Variants in ARHGAP8 observed in about 807,000 individuals in gnomAD.
The protein encoded by ARHGAP8 is rho GTPase-activating protein 8.
Under a neutral mutation model 46.1 loss-of-function variants are expected in ARHGAP8, and 62 were observed. The ratio of observed to expected loss-of-function variants is 1.34; its 90% CI spans 1.10 to 1.66. The LOEUF (loss-of-function observed/expected upper bound fraction) is 1.66, where lower values mean the gene tolerates loss of function less well. Ranked by LOEUF, ARHGAP8 falls within the 40% of genes most tolerant of loss-of-function variation. The pLI is 0.00. For synonymous variants in ARHGAP8, 375 were observed against 243.1 expected, an observed-to-expected ratio of 1.54 and a Z score of -5.05; for missense variants, 923 against 568.4, an observed-to-expected ratio of 1.62 and a Z score of -6.34.
intron 7 of ARHGAP8, among the ~76,000 whole-genome samples, chr22:44,835,066 G>C (rs1237852441): frequency 2.6e-5 from 4 of 151,868 alleles, no homozygotes; most frequent in African/African-American, 9.7e-5. Flanking sequence ...TTCTTTATTA[G>C]ATTATTTAAT....
intron 1 of ARHGAP8, among the ~76,000 whole-genome samples, chr22:44,756,608 A>G (rs1223787399): frequency 4.4e-5 from 1 of 22,870 alleles, no homozygotes; most frequent in Non-Finnish European, 8.5e-5. Flanking sequence ...ACCTACCCCC[A>G]CCCTTCCTGC....
intron 5 of ARHGAP8, among the ~76,000 whole-genome samples, chr22:44,820,376 G>A (rs1191204442): frequency 6.6e-6 from 1 of 152,168 alleles, no homozygotes; most frequent in Non-Finnish European, 1.5e-5. Context: ...CTCTGTCCCT[G>A]AGAATGGTTC....
At position 44,781,258 on chromosome 22, in the gene ARHGAP8, T is replaced by C. The variant is rs552908446; in HGVS notation, c.-71-5199T>C. On this transcript the variant is annotated intron_variant, in intron 1 of 11. Coordinates refer to ENST00000356099, the MANE Select transcript of ARHGAP8 (RefSeq NM_181335.3). ...TTTTACATACATTGCTTGGTTTGCT[T>C]CCAAGAACTCATGATTTTGCCTTCT... Among the ~76,000 whole-genome samples the C allele has an allele frequency of 5.3e-5, 8 of 152,298 alleles. No homozygotes were observed. The South Asian group carries it at 1.7e-3, about 32-fold the overall frequency.
intron 3 of ARHGAP8, among the ~76,000 whole-genome samples, chr22:44,803,849 C>T (rs1328646983): frequency 6.7e-6 from 1 of 150,330 alleles, no homozygotes; most frequent in Non-Finnish European, 1.5e-5. Flanking sequence ...TGTGCACACG[C>T]TTCTCCATCA....
chr22:44,767,984 CTTTT>C (rs1167255172), intron 1 of ARHGAP8, among the ~76,000 whole-genome samples: 1 of 47,246 alleles, frequency 2.1e-5, no homozygotes, highest in Non-Finnish European at 3.6e-5. Context: ...CGCATGATGT[CTTTT>C]TTTTTTTTTT....
At chr22:44,820,368 C>G (rs16992909) in intron 5 of ARHGAP8, among the ~76,000 whole-genome samples, 7,899 of 152,300 alleles carry the variant, frequency 0.052, 427 homozygotes, top group East Asian at 0.29. Flanking sequence ...GCGGGCACCT[C>G]TGTCCCTGAG....
At chr22:44,794,327 G>T (rs1927922772) in intron 2 of ARHGAP8, among the ~76,000 whole-genome samples, 1 of 152,216 alleles carries the variant, frequency 6.6e-6, no homozygotes, top group Admixed American at 6.5e-5. Context: ...AGAGGCGCCA[G>T]CCCAGCTCAG....
chr22:44,824,921 C>A (rs1930402861), intron 6 of ARHGAP8, among the ~76,000 whole-genome samples: 1 of 151,944 alleles, frequency 6.6e-6, no homozygotes, highest in South Asian at 2.1e-4. Flanking sequence ...GCGTGAGCCA[C>A]CGTGCCGAGC....
chr22:44,860,703 G>T (rs560667121), intron 11 of ARHGAP8, among the ~76,000 whole-genome samples: 2 of 152,108 alleles, frequency 1.3e-5, no homozygotes, highest in African/African-American at 4.8e-5. Context: ...CCTGGGCTTA[G>T]TGTGCTCTCC....
At chr22:44,779,401 G>A (rs1051020899) in intron 1 of ARHGAP8, among the ~76,000 whole-genome samples, 12 of 151,140 alleles carry the variant, frequency 7.9e-5, no homozygotes, top group African/African-American at 2.7e-4. Flanking sequence ...GCGCCCGGCC[G>A]GTGTCTGACT....
chr22:44,773,216 G>A (rs1005758513), intron 1 of ARHGAP8, among the ~76,000 whole-genome samples: 6 of 152,124 alleles, frequency 3.9e-5, no homozygotes, highest in African/African-American at 1.4e-4. Context: ...TGTCTTTCAG[G>A]AAATGTGTCA....
intron 7 of ARHGAP8, among the ~76,000 whole-genome samples, chr22:44,830,024 CTT>C (rs386395573): frequency 7.0e-6 from 1 of 142,562 alleles, no homozygotes. Flanking sequence ...TCCTCTCTCT[CTT>C]TTTTTTTTTT....
intron 1 of ARHGAP8, among the ~76,000 whole-genome samples, chr22:44,757,668 T>C (rs1320800548): frequency 6.6e-6 from 1 of 151,870 alleles, no homozygotes; most frequent in Non-Finnish European, 1.5e-5. Context: ...ACCTGGAGTC[T>C]CACTCCATCA....
rs922818450 is a variant in ARHGAP8 at position 44,857,253 on chromosome 22, C to T, written c.878-2478C>T. Reference sequence around the variant, plus strand: ...CCACGACCAGTCTTGAGTAAGAATTCTTTCTTTTGGCCGGCTCTACCAGGG... The same window carrying T: ...CCACGACCAGTCTTGAGTAAGAATTTTTTCTTTTGGCCGGCTCTACCAGGG... On this transcript the variant is annotated intron_variant, in intron 10 of 11. Transcript: ENST00000356099. Among the ~76,000 whole-genome samples the T allele has an allele frequency of 3.3e-5, 5 of 152,146 alleles. No individual in the cohort carries two copies. In the East Asian group the frequency reaches 9.7e-4, roughly 29 times the overall value.
In ARHGAP8 at chr22:44,850,160, G is replaced by A. The variant is rs905241318; in HGVS notation, c.877+1100G>A. 15 of 152,142 alleles carry A rather than the reference G, an allele frequency of 9.9e-5. 1 individual carries two copies. Among genetic ancestry groups the A allele is most frequent in the Admixed American group, 2.6e-4 (4 of 15,272 alleles). 9.4% of individuals were successfully genotyped at this position (152,142 alleles called of 1,614,324 possible). A position where few individuals can be genotyped will look rare whatever the true frequency, so the allele number is the denominator to read the frequency against. On this transcript the variant is annotated intron_variant, in intron 10 of 11. Coordinates refer to ENST00000356099, the MANE Select transcript of ARHGAP8 (RefSeq NM_181335.3). The stretch of plus-strand genomic sequence containing the variant: ...CGCTGGACCCCAAACTCCCCTCAAA[G>A]GCAAATTTACACCCATTTACTCAGC...
intron 2 of ARHGAP8, among the ~76,000 whole-genome samples, chr22:44,788,569 T>A (rs1202883394): frequency 6.6e-6 from 1 of 151,878 alleles, no homozygotes; most frequent in Admixed American, 6.6e-5. Flanking sequence ...AATTTTTATA[T>A]CTTTAGTAGA....
chr22:44,802,843 G>A (rs1928652456), intron 3 of ARHGAP8, among the ~76,000 whole-genome samples: 1 of 152,118 alleles, frequency 6.6e-6, no homozygotes, highest in South Asian at 2.1e-4. Flanking sequence ...ACCAGCCACG[G>A]GACTAGAGCC....
At chr22:44,821,321 T>C (rs1373380560) in intron 5 of ARHGAP8, among the ~76,000 whole-genome samples, 2 of 151,588 alleles carry the variant, frequency 1.3e-5, no homozygotes, top group African/African-American at 2.4e-5. Context: ...CCCAGCTACT[T>C]GGGAGGCTGA....
chr22:44,823,564 G>A (rs1156643526), intron 6 of ARHGAP8, among the ~76,000 whole-genome samples: 2 of 152,114 alleles, frequency 1.3e-5, no homozygotes, highest in Non-Finnish European at 2.9e-5. Context: ...ACTGGACCTG[G>A]AGGCCATGAG....
Sources: gnomAD v4.1 joint callset for allele counts (sites outside exome capture counted in the v4.1 genomes callset) on GRCh38, gnomAD v4.1.1 for gene constraint, MANE v1.5 for transcripts, NCBI Gene and HGNC (gene_info 2026-07-23, HGNC 2026-07-21) for gene names.